The following ARVCF variants were observed in gnomAD, a reference collection of about 807,000 sequenced individuals.
ARVCF encodes ARVCF delta catenin family member, also known as splicing regulator ARVCF.
ARVCF carries 66 observed loss-of-function variants against 90.9 expected under a neutral mutation model. The observed-to-expected ratio is 0.73, with a 90% CI of 0.60 to 0.89. ARVCF has a LOEUF of 0.89. Ranked by LOEUF, ARVCF falls within the 40% of genes least tolerant of loss-of-function variation. ARVCF has a pLI of 0.00. For synonymous variants in ARVCF, 653 were observed against 603.4 expected, an observed-to-expected ratio of 1.08 and a Z score of -1.21; for missense variants, 1,469 against 1,382.3, an observed-to-expected ratio of 1.06 and a Z score of -1.00.
chr22:19,973,756 C>T lies in ARVCF; in HGVS notation c.2126G>A (p.Arg709His), dbSNP rs1245259132. Reference protein sequence around the residue: ...TYIRATVRKERGLPVLVELLQ... With the variant: ...TYIRATVRKEHGLPVLVELLQ... ...CAGTTCCACAAGCACCGGCAGCCCGCGCTCTTTGCGCACTGTGGCGCGGAT... is the reference window on the plus strand; with the variant it reads ...CAGTTCCACAAGCACCGGCAGCCCGTGCTCTTTGCGCACTGTGGCGCGGAT... Residue 709 changes from arginine (R) to histidine (H), a missense_variant, in exon 13 of 20, where the codon CGC (arginine) becomes CAC (histidine). Physicochemically the swap from Arg to His is conservative, Grantham distance 29. Coordinates refer to ENST00000263207, the MANE Select transcript of ARVCF (RefSeq NM_001670.3). 1.9e-6 allele frequency: 3 copies of T among 1,607,804 alleles called. No homozygotes were observed. The highest frequency in any genetic ancestry group is 1.7e-5 in the Admixed American group (1 of 60,002).
Position 20,013,270 on chromosome 22 carries a change from T to C in ARVCF, c.-72-2762A>G, listed in dbSNP as rs189842693. ...TGGACATTGAGGCACAGACCACACC[T>C]GGGAAGGCTTGGGAGGCCCCTGGGC... On this transcript the variant is annotated intron_variant, in intron 1 of 19. Coordinates refer to ENST00000263207, the MANE Select transcript of ARVCF (RefSeq NM_001670.3). 3.3e-3 allele frequency among the ~76,000 whole-genome samples: 499 copies of C among 152,292 alleles called. 3 individuals carry two copies. Among genetic ancestry groups the C allele is most frequent in the Non-Finnish European group, 4.9e-3 (330 of 68,022 alleles).
At chr22:19,989,943 TC>T (rs1461510996) in intron 3 of ARVCF, among the ~76,000 whole-genome samples, 5 of 152,200 alleles carry the variant, frequency 3.3e-5, no homozygotes, top group Non-Finnish European at 7.3e-5. Context: ...ATGTACTTGT[TC>T]CGGCCTCCTA....
chr22:19,987,029 T>G lies in ARVCF; in HGVS notation c.210+3556A>C, dbSNP rs1011720593. 6.1e-6 allele frequency: 4 copies of G among 650,478 alleles called. No homozygotes were observed. The African/African-American group carries it at 7.6e-5, about 12-fold the overall frequency. 40.3% of individuals were successfully genotyped at this position (650,478 alleles called of 1,614,324 possible). A position where few individuals can be genotyped will look rare whatever the true frequency, so the allele number is the denominator to read the frequency against. On this transcript the variant is annotated intron_variant, in intron 3 of 19. Coordinates refer to ENST00000263207, the MANE Select transcript of ARVCF (RefSeq NM_001670.3). ...GCAGGCCGACGCCCCGCCCTCTGCC[T>G]CCGACCCCGGGCCAGGGTCCCCCCA...
downstream of ARVCF, chr22:19,967,262 G>A (rs1942454827): frequency 1.6e-6 from 2 of 1,267,902 alleles, no homozygotes; most frequent in African/African-American, 3.1e-5. Flanking sequence ...AGAAGTCCAG[G>A]AGCCCAGGCC....
At chr22:20,004,822 G>C (rs889080756) in intron 2 of ARVCF, among the ~76,000 whole-genome samples, 2 of 152,156 alleles carry the variant, frequency 1.3e-5, no homozygotes, top group African/African-American at 4.8e-5. Context: ...ACAAATGATG[G>C]AACTGGATAC....
At chr22:19,978,344 T>C (rs1943280837) in intron 7 of ARVCF, among the ~76,000 whole-genome samples, 1 of 151,908 alleles carries the variant, frequency 6.6e-6, no homozygotes, top group Non-Finnish European at 1.5e-5. Flanking sequence ...CCAGCTGACC[T>C]GGAAAGGGAC....
chr22:19,977,908 A>ATGAT (rs759337742), intron 8 of ARVCF, 50 bp downstream of exon 8: 3 of 1,542,154 alleles, frequency 1.9e-6, no homozygotes, highest in Non-Finnish European at 2.6e-6. Context: ...TGGGACCTGC[A>ATGAT]TGATCGTCTC....
At chr22:19,993,134 C>T (rs1251905316) in intron 2 of ARVCF, among the ~76,000 whole-genome samples, 1 of 152,110 alleles carries the variant, frequency 6.6e-6, no homozygotes, top group Non-Finnish European at 1.5e-5. Flanking sequence ...GCAGGGTGCA[C>T]CCTGCATTTG....
intron 1 of ARVCF, among the ~76,000 whole-genome samples, chr22:20,011,991 A>AT (rs1438593663): frequency 6.6e-6 from 1 of 150,694 alleles, no homozygotes; most frequent in African/African-American, 2.5e-5. Flanking sequence ...TATATACCCC[A>AT]TTTTACACAT....
Position 19,973,366 on chromosome 22 carries a change from A to G in ARVCF, c.2240-49T>C, listed in dbSNP as rs759639955. ...GAACACACCTCTGCCCCACCTCTCC[A>G]GGAAGGAGCAGGGATCCCGCGAGGG... On this transcript the variant is annotated intron_variant, in intron 13 of 19. Coordinates refer to ENST00000263207, the MANE Select transcript of ARVCF (RefSeq NM_001670.3). 5 of 1,530,310 alleles carry G rather than the reference A, an allele frequency of 3.3e-6. No homozygotes were observed. In the East Asian group the frequency reaches 1.2e-4, roughly 37 times the overall value. 94.8% of individuals were successfully genotyped at this position (1,530,310 alleles called of 1,614,324 possible). A position where few individuals can be genotyped will look rare whatever the true frequency, so the allele number is the denominator to read the frequency against.
Position 19,980,235 on chromosome 22 carries a change from C to T in ARVCF, c.904G>A (p.Glu302Lys), listed in dbSNP as rs771604032. Residue 302 changes from glutamate to lysine, a missense_variant, in exon 6 of 20, where the codon GAG (glutamate) becomes AAG (lysine). Physicochemically the swap from Glu to Lys is moderately conservative, Grantham distance 56 (BLOSUM62 1). Coordinates refer to ENST00000263207, the MANE Select transcript of ARVCF (RefSeq NM_001670.3). ...TCGCCGCCATCATCTGCTGTGTCCT[C>T]GTAGGCCCTGCACAGGCAAGTGGGG... The part of the protein sequence containing the change: ...CGRGLHTRAY[E>K]DTADDGGELA... 1.6e-5 allele frequency: 25 copies of T among 1,528,116 alleles called. No individual in the cohort carries two copies. Among genetic ancestry groups the T allele is most frequent in the South Asian group, 6.2e-5 (5 of 80,388 alleles). 94.7% of individuals were successfully genotyped at this position (1,528,116 alleles called of 1,614,324 possible). A position where few individuals can be genotyped will look rare whatever the true frequency, so the allele number is the denominator to read the frequency against.
At chr22:20,016,183 C>T (rs1165816974) in intron 1 of ARVCF, among the ~76,000 whole-genome samples, 2 of 152,190 alleles carry the variant, frequency 1.3e-5, no homozygotes, top group East Asian at 3.9e-4. Context: ...GGCCTGCCGC[C>T]CCTCGGGCTG....
chr22:19,996,190 G>A (rs1489579490), intron 2 of ARVCF, among the ~76,000 whole-genome samples: 1 of 152,176 alleles, frequency 6.6e-6, no homozygotes, highest in African/African-American at 2.4e-5. Context: ...GTCCCTTGCA[G>A]ACTGTGTTGG....
intron 9 of ARVCF, 27 bp downstream of exon 9, chr22:19,977,388 G>A: frequency 2.0e-6 from 3 of 1,491,896 alleles, no homozygotes; most frequent in South Asian, 2.8e-5. Context: ...AGATGGTAGA[G>A]ATGATACCCC....
chr22:19,972,370 C>T lies in ARVCF; in HGVS notation c.2683G>A (p.Ala895Thr), dbSNP rs1942861681. ...TGSRDVIPMD[A>T]LGPDGYSTVD... ...CATCTGCACTCACCTGGGCCCAGCG[C>T]ATCCATGGGGATCACATCCCGGCTG... The change falls in exon 17 of 20, where the codon GCG (alanine) becomes ACG (threonine). Residue 895 changes from alanine (A) to threonine (T), a missense_variant. Ala to Thr is a moderately conservative substitution (Grantham distance 58, BLOSUM62 0). Coordinates refer to ENST00000263207, the MANE Select transcript of ARVCF (RefSeq NM_001670.3). 6.2e-7 allele frequency: 1 copy of T among 1,613,628 alleles called. No homozygotes were observed. The highest frequency in any genetic ancestry group is 1.1e-5 in the South Asian group (1 of 91,092).
rs953690211 is a variant in ARVCF, at chr22:19,970,387, G to A, written c.*369C>T. On this transcript the variant is annotated 3_prime_UTR_variant, in exon 20 of 20. Transcript: ENST00000263207. ...CGCCAGACCTGGCCCGCACCACTGG[G>A]GCACTGTGTTCCCAGGGGCACCCTC... 1.9e-6 allele frequency: 2 copies of A among 1,035,672 alleles called. No homozygotes were observed. The highest frequency in any genetic ancestry group is 1.9e-4 in the East Asian group (2 of 10,646). 64.2% of individuals were successfully genotyped at this position (1,035,672 alleles called of 1,614,324 possible). A position where few individuals can be genotyped will look rare whatever the true frequency, so the allele number is the denominator to read the frequency against.
In ARVCF at chr22:19,971,965, T is replaced by G; in HGVS notation, c.2702A>C (p.Tyr901Ser). The G allele has an allele frequency of 6.2e-7, 1 of 1,609,686 alleles. No homozygotes were observed. Among genetic ancestry groups the G allele is most frequent in the Non-Finnish European group, 8.5e-7 (1 of 1,178,148 alleles). ...CCGCTCCCTCCGGTCCACCGTGGAG[T>G]ATCCGTCTGTAGATGGGGTAAGGTG... ...IPMDALGPDG[Y>S]STVDRRERRP... is the part of the protein sequence containing the mutation. The change falls in exon 18 of 20, where the codon TAC becomes TCC. Residue 901 changes from tyrosine to serine, a missense_variant. Physicochemically the swap from Tyr to Ser is moderately radical, Grantham distance 144. Transcript: ENST00000263207.
In ARVCF at chr22:19,979,812, C is replaced by T. The variant is rs749159336; in HGVS notation, c.1327G>A (p.Gly443Ser). ...TDNKAAIRDC[G>S]GVPALVRLLR... ...AGGCGCACCAGGGCAGGCACACCACCGCAGTCCCGGATGGCGGCCTTGTTG... is the reference window on the plus strand; with the variant it reads ...AGGCGCACCAGGGCAGGCACACCACTGCAGTCCCGGATGGCGGCCTTGTTG... Residue 443 changes from glycine (G) to serine (S), a missense_variant, in exon 6 of 20, where the codon GGT becomes AGT. Gly to Ser is a moderately conservative substitution (Grantham distance 56). Transcript: ENST00000263207. 8.1e-6 allele frequency: 13 copies of T among 1,609,328 alleles called. No individual in the cohort carries two copies. The highest frequency in any genetic ancestry group is 3.3e-5 in the South Asian group (3 of 90,494).
intron 2 of ARVCF, among the ~76,000 whole-genome samples, chr22:20,009,947 T>A (rs553058562): frequency 6.6e-6 from 1 of 152,246 alleles, no homozygotes; most frequent in Non-Finnish European, 1.5e-5. Context: ...ACAGAGACCA[T>A]AAGGCCTGCA....
Sources: gnomAD v4.1 joint callset for allele counts (sites outside exome capture counted in the v4.1 genomes callset) on GRCh38, gnomAD v4.1.1 for gene constraint, MANE v1.5 for transcripts, NCBI Gene and HGNC (gene_info 2026-07-23, HGNC 2026-07-21) for gene names.